The following ARHGAP24 variants were observed in gnomAD, a reference collection of about 807,000 sequenced individuals.
The protein encoded by ARHGAP24 is Rho GTPase activating protein 24.
In ARHGAP24, 50 loss-of-function variants were observed where a neutral mutation model predicts 76.4. The observed-to-expected ratio is 0.65, with a 90% CI of 0.52 to 0.83. The LOEUF is 0.83. ARHGAP24 is among the 40% of genes least tolerant of loss of function. The pLI, the probability that ARHGAP24 is intolerant of heterozygous loss-of-function variation, is 0.00. For synonymous variants in ARHGAP24, 345 were observed against 323.3 expected, an observed-to-expected ratio of 1.07 and a Z score of -0.72; for missense variants, 930 against 914.2, an observed-to-expected ratio of 1.02 and a Z score of -0.22.
rs570092292 is a variant in ARHGAP24 at position 85,491,779 on chromosome 4, A to G, written c.-21+16220A>G. ...AATGCCTCTGGGTGTCTGGAGTGCT[A>G]TCTCATTGAATTAGCCTCAAGTTGA... On this transcript the variant is annotated intron_variant, in intron 1 of 9. Coordinates refer to ENST00000395184, the MANE Select transcript of ARHGAP24 (RefSeq NM_001025616.3). Among the ~76,000 whole-genome samples, 20 of 152,296 alleles carry G rather than the reference A, an allele frequency of 1.3e-4. 2 individuals carry two copies. The South Asian group carries it at 4.1e-3, about 32-fold the overall frequency.
chr4:85,925,705 A>G (rs1735983067), intron 4 of ARHGAP24, among the ~76,000 whole-genome samples: 1 of 152,198 alleles, frequency 6.6e-6, no homozygotes, highest in African/African-American at 2.4e-5. Context: ...CGAAAAATAT[A>G]GTATATAAAG....
chr4:85,992,500 C>T (rs891088482), intron 8 of ARHGAP24, among the ~76,000 whole-genome samples: 4 of 152,014 alleles, frequency 2.6e-5, no homozygotes, highest in South Asian at 2.1e-4. Context: ...ATAGCTATGA[C>T]GGGAAGCAGT....
At chr4:85,782,400 T>G (rs189354685) in intron 3 of ARHGAP24, among the ~76,000 whole-genome samples, 2 of 152,330 alleles carry the variant, frequency 1.3e-5, no homozygotes, top group Admixed American at 6.5e-5. Context: ...AGACTTCGAT[T>G]TAGAAAGATA....
At position 85,654,928 on chromosome 4, in the gene ARHGAP24, TC is replaced by T. The variant is rs1305937459; in HGVS notation, c.181-66956del. ...TAGAAAAATTTACATACACTATAAC[TC>T]TTACAAAGTAAGTAGTGATTAAATT... is the stretch of plus-strand genomic sequence containing the variant. On this transcript the variant is annotated intron_variant, in intron 2 of 9. Coordinates refer to ENST00000395184, the MANE Select transcript of ARHGAP24 (RefSeq NM_001025616.3). Among the ~76,000 whole-genome samples, 6 of 152,352 alleles carry T rather than the reference TC, an allele frequency of 3.9e-5. No homozygotes were observed. The East Asian group carries it at 1.2e-3, about 29-fold the overall frequency.
chr4:85,916,577 CAATT>C (rs1445419759), intron 3 of ARHGAP24, among the ~76,000 whole-genome samples: 2 of 152,052 alleles, frequency 1.3e-5, no homozygotes, highest in Non-Finnish European at 2.9e-5. Flanking sequence ...TTCTAAATGA[CAATT>C]AAATGACATA....
chr4:85,687,609 A>C (rs1007866831), intron 2 of ARHGAP24, among the ~76,000 whole-genome samples: 1 of 152,076 alleles, frequency 6.6e-6, no homozygotes, highest in African/African-American at 2.4e-5. Context: ...CTTTCTGGCT[A>C]TGTTGTATTC....
chr4:85,953,755 G>A (rs1001435492), intron 5 of ARHGAP24, among the ~76,000 whole-genome samples: 2 of 152,122 alleles, frequency 1.3e-5, no homozygotes, highest in Non-Finnish European at 2.9e-5. Flanking sequence ...CGAGGTCAGG[G>A]CAGAGGGAGA....
At chr4:85,720,505 CTAAGT>C (rs1439153100) in intron 2 of ARHGAP24, among the ~76,000 whole-genome samples, 1 of 152,064 alleles carries the variant, frequency 6.6e-6, no homozygotes, top group Non-Finnish European at 1.5e-5. Flanking sequence ...TTTAATTTGA[CTAAGT>C]TGAGTTTAAG....
At chr4:85,736,018 T>C (rs1027975486) in intron 3 of ARHGAP24, among the ~76,000 whole-genome samples, 2 of 152,194 alleles carry the variant, frequency 1.3e-5, no homozygotes, top group Admixed American at 6.5e-5. Context: ...GTTTCTCAAA[T>C]GTGCAATGCA....
At chr4:85,717,886 C>T (rs1724789649) in intron 2 of ARHGAP24, among the ~76,000 whole-genome samples, 1 of 152,124 alleles carries the variant, frequency 6.6e-6, no homozygotes, top group Admixed American at 6.6e-5. Context: ...ACACACTTCA[C>T]ATCACCTGAG....
In ARHGAP24 at chr4:85,497,749, G is replaced by T. The variant is rs377561447; in HGVS notation, c.-21+22190G>T. 1.7e-4 allele frequency among the ~76,000 whole-genome samples: 26 copies of T among 152,288 alleles called. No homozygotes were observed. In the East Asian group the frequency reaches 3.9e-3, roughly 23 times the overall value. On this transcript the variant is annotated intron_variant, in intron 1 of 9. Coordinates refer to ENST00000395184, the MANE Select transcript of ARHGAP24 (RefSeq NM_001025616.3). The stretch of plus-strand genomic sequence containing the variant: ...GCAGGAGAATTGCTTGAACCCAGGA[G>T]GTGGAGGTTGCGGTGAGCCAAGATC...
intron 3 of ARHGAP24, among the ~76,000 whole-genome samples, chr4:85,847,782 T>C (rs527789112): frequency 7.6e-4 from 115 of 152,214 alleles, no homozygotes; most frequent in African/African-American, 2.6e-3. Context: ...CCCACAGCAT[T>C]AGAGATTAGA....
rs1043129201 is a variant in ARHGAP24, at chr4:85,944,485, T to C, written c.599+2212T>C. ...GGATATTAGCCCTTTGTCAGATGGATAGATTGCAAAAATTTTCTCCCATTC... is the reference window on the plus strand; with the variant it reads ...GGATATTAGCCCTTTGTCAGATGGACAGATTGCAAAAATTTTCTCCCATTC... On this transcript the variant is annotated intron_variant, in intron 5 of 9. Transcript: ENST00000395184. 1.8e-4 allele frequency among the ~76,000 whole-genome samples: 27 copies of C among 152,192 alleles called. 1 individual carries two copies. The highest frequency in any genetic ancestry group is 1.7e-3 in the Admixed American group (26 of 15,282).
intron 3 of ARHGAP24, among the ~76,000 whole-genome samples, chr4:85,900,400 C>G (rs992908979): frequency 6.6e-6 from 1 of 151,844 alleles, no homozygotes; most frequent in Non-Finnish European, 1.5e-5. Context: ...TTTAAAGATG[C>G]CTTATCCTGC....
At chr4:85,870,155 C>G (rs1468747314) in intron 3 of ARHGAP24, among the ~76,000 whole-genome samples, 1 of 152,096 alleles carries the variant, frequency 6.6e-6, no homozygotes, top group African/African-American at 2.4e-5. Context: ...GCAGTTATGT[C>G]AGTATATCAG....
intron 1 of ARHGAP24, among the ~76,000 whole-genome samples, chr4:85,512,281 T>C (rs1724316579): frequency 6.6e-6 from 1 of 152,248 alleles, no homozygotes. Context: ...CTGTGAGGAT[T>C]AAATGAGATA....
chr4:85,916,257 G>A (rs1313150380), intron 3 of ARHGAP24, among the ~76,000 whole-genome samples: 1 of 152,048 alleles, frequency 6.6e-6, no homozygotes, highest in Non-Finnish European at 1.5e-5. Context: ...ACTTTTTGGT[G>A]GGGTTGTTTT....
intron 2 of ARHGAP24, among the ~76,000 whole-genome samples, chr4:85,616,666 C>T (rs142303888): frequency 2.6e-4 from 40 of 152,212 alleles, no homozygotes; most frequent in African/African-American, 8.9e-4. Context: ...CTCATTCTGT[C>T]GCGCAGGCTG....
At chr4:85,639,140 A>G (rs1400542371) in intron 2 of ARHGAP24, among the ~76,000 whole-genome samples, 1 of 152,186 alleles carries the variant, frequency 6.6e-6, no homozygotes, top group Non-Finnish European at 1.5e-5. Flanking sequence ...GCCCAAAAGA[A>G]GAGAATGTAG....
Sources: gnomAD v4.1 joint callset for allele counts (sites outside exome capture counted in the v4.1 genomes callset) on GRCh38, gnomAD v4.1.1 for gene constraint, MANE v1.5 for transcripts, NCBI Gene and HGNC (gene_info 2026-07-23, HGNC 2026-07-21) for gene names.